The following PCDHGB3 variants were observed in gnomAD, a reference collection of about 807,000 sequenced individuals.
PCDHGB3 encodes the protein protocadherin gamma subfamily B, 3.
In PCDHGB3, 40 loss-of-function variants were observed where a neutral mutation model predicts 59.2. The ratio of observed to expected loss-of-function variants is 0.68; its 90% confidence interval spans 0.52 to 0.88. PCDHGB3 has a LOEUF of 0.88. PCDHGB3 is among the 40% of genes least tolerant of loss of function. PCDHGB3 has a pLI of 0.00. For synonymous variants in PCDHGB3, 581 were observed against 503.6 expected (o/e 1.15, Z -2.06); for missense variants, 1,309 against 1,187.9 (o/e 1.10, Z -1.50).
chr5:141,418,102 C>T (rs760484009), intron 1 of PCDHGB3: 15 of 1,614,014 alleles, frequency 9.3e-6, no homozygotes, highest in Non-Finnish European at 1.3e-5. Context: ...ACGCGCAGAG[C>T]GGGGACTTAC....
intron 2 of PCDHGB3, among the ~76,000 whole-genome samples, chr5:141,500,674 G>T (rs554174451): frequency 4.2e-4 from 64 of 152,122 alleles, no homozygotes; most frequent in Non-Finnish European, 6.6e-4. Flanking sequence ...CTGTCCAACA[G>T]AATTATAGCT....
intron 1 of PCDHGB3, among the ~76,000 whole-genome samples, chr5:141,471,995 TG>T: frequency 6.6e-6 from 1 of 152,322 alleles, no homozygotes; most frequent in East Asian, 1.9e-4. Context: ...TAAAAATCCC[TG>T]CATCGTATAG....
rs192631651 is a variant in PCDHGB3 at position 141,432,052 on chromosome 5, C to T, written c.2415+59243C>T. On this transcript the variant is annotated intron_variant, in intron 1 of 3. Transcript: ENST00000576222. This position sits in a 1 kb window ranked among gnomAD's most constrained non-coding sequence, Gnocchi z 6.0. ...CCGCCACTGACCGGGGAACCCCGCC[C>T]CTATCCACGGAAACTCATATCTCGC... is the stretch of plus-strand genomic sequence containing the variant. The T allele has an allele frequency of 1.2e-6, 2 of 1,614,108 alleles. No individual in the cohort carries two copies. The highest frequency in any genetic ancestry group is 1.3e-5 in the African/African-American group (1 of 74,930).
chr5:141,419,621 G>T, intron 1 of PCDHGB3: 2 of 1,612,306 alleles, frequency 1.2e-6, no homozygotes, highest in Non-Finnish European at 1.7e-6. Context: ...AGGCTACCTG[G>T]TGACCAAGGT....
In PCDHGB3 at chr5:141,485,146, G is replaced by C; in HGVS notation, c.2416-9661G>C. 6.4e-7 allele frequency: 1 copy of C among 1,569,470 alleles called. No individual in the cohort carries two copies. Among genetic ancestry groups the C allele is most frequent in the Non-Finnish European group, 8.7e-7 (1 of 1,143,568 alleles). On this transcript the variant is annotated intron_variant, in intron 1 of 3. Transcript: ENST00000576222. The surrounding 1 kb of genome is among the most constrained non-coding windows in gnomAD (Gnocchi z 5.7). Reference sequence around the variant, plus strand: ...GGTCGGCTTCATCCGCGTCTCAGGAGCAAGTAGAGAATTAGCGGGCGGCAG... The same window carrying C: ...GGTCGGCTTCATCCGCGTCTCAGGACCAAGTAGAGAATTAGCGGGCGGCAG...
rs1561863226 is a variant in PCDHGB3, at chr5:141,432,653, C to T, written c.2415+59844C>T. On this transcript the variant is annotated intron_variant, in intron 1 of 3. Transcript: ENST00000576222. The surrounding 1 kb of genome is among the most constrained non-coding windows in gnomAD (Gnocchi z 6.0). Reference sequence around the variant, plus strand: ...GGGCGAGGTGCGCACGGCGCGAGCCCTGCTGGACAGAGACGCGCTCAAGCA... The same window carrying T: ...GGGCGAGGTGCGCACGGCGCGAGCCTTGCTGGACAGAGACGCGCTCAAGCA... 5 of 1,613,852 alleles carry T rather than the reference C, an allele frequency of 3.1e-6. No individual in the cohort carries two copies. In the South Asian group the frequency reaches 4.4e-5, roughly 14 times the overall value.
intron 2 of PCDHGB3, among the ~76,000 whole-genome samples, chr5:141,504,143 C>A (rs2099835975): frequency 6.6e-6 from 1 of 152,136 alleles, no homozygotes; most frequent in Non-Finnish European, 1.5e-5. Flanking sequence ...CACTCCCCTG[C>A]AAATTGAAAT....
chr5:141,446,279 G>A (rs1326701686), intron 1 of PCDHGB3, among the ~76,000 whole-genome samples: 1 of 152,096 alleles, frequency 6.6e-6, no homozygotes, highest in African/African-American at 2.4e-5. Context: ...AAATACAATG[G>A]ATAAATGGGG....
chr5:141,486,089 G>T lies in PCDHGB3; in HGVS notation c.2416-8718G>T, dbSNP rs2099624123. On this transcript the variant is annotated intron_variant, in intron 1 of 3. Coordinates refer to ENST00000576222, the MANE Select transcript of PCDHGB3 (RefSeq NM_018924.5). The surrounding 1 kb of genome is among the most constrained non-coding windows in gnomAD (Gnocchi z 5.0). ...CACTACTGGAAAGCTTACTCTTTTG[G>T]GGCCCCTAGACTTTGAGAGTGAGAA... is the stretch of plus-strand genomic sequence containing the variant. 1 of 1,614,084 alleles carries T rather than the reference G, an allele frequency of 6.2e-7. No individual in the cohort carries two copies. The highest frequency in any genetic ancestry group is 8.5e-7 in the Non-Finnish European group (1 of 1,180,014).
chr5:141,388,848 G>T (rs766706887), intron 1 of PCDHGB3: 1 of 1,613,942 alleles, frequency 6.2e-7, no homozygotes, highest in East Asian at 2.2e-5. Context: ...AGCAAGGGAC[G>T]GTGGAGGAAT....
chr5:141,418,572 AC>A lies in PCDHGB3; in HGVS notation c.2415+45769del, dbSNP rs752316020. 8.1e-6 allele frequency: 13 copies of A among 1,613,794 alleles called. 1 individual carries two copies. The Admixed American group carries it at 1.8e-4, about 23-fold the overall frequency. ...ATCCTGGTAATAGATGCCAATGACA[AC>A]CCCCCAGTGTTCAGCCAGGACGTGT... On this transcript the variant is annotated intron_variant, in intron 1 of 3. Transcript: ENST00000576222.
At chr5:141,415,909 C>A in intron 1 of PCDHGB3, 1 of 761,030 alleles carries the variant, frequency 1.3e-6, no homozygotes, top group Non-Finnish European at 1.8e-6. Flanking sequence ...GACTTCCATA[C>A]AGAAGTGCCT....
chr5:141,503,630 A>G, intron 2 of PCDHGB3, among the ~76,000 whole-genome samples: 1 of 152,088 alleles, frequency 6.6e-6, no homozygotes, highest in Admixed American at 6.6e-5. Flanking sequence ...AAGAAAAGAA[A>G]TAATTATTGA....
At chr5:141,394,667 G>T in intron 1 of PCDHGB3, 2 of 1,613,252 alleles carry the variant, frequency 1.2e-6, no homozygotes, top group East Asian at 2.2e-5. Flanking sequence ...GACTCTTCTC[G>T]GTGGGTCTGC....
intron 1 of PCDHGB3, chr5:141,424,602 T>G (rs2154550827): frequency 6.6e-6 from 1 of 152,334 alleles, no homozygotes; most frequent in African/African-American, 2.4e-5. Flanking sequence ...GTCTACAGAT[T>G]TATTCAAATA....
Position 141,431,529 on chromosome 5 carries a change from T to G in PCDHGB3, c.2415+58720T>G, listed in dbSNP as rs145601545. The G allele has an allele frequency of 2.5e-6, 4 of 1,614,074 alleles. No homozygotes were observed. The highest frequency in any genetic ancestry group is 3.4e-6 in the Non-Finnish European group (4 of 1,180,030). ...GCGAGCGTTCCGGAGAATCTGGCCT[T>G]GGGCACGCAGCTGCTTGTAGTCAAC... On this transcript the variant is annotated intron_variant, in intron 1 of 3. Coordinates refer to ENST00000576222, the MANE Select transcript of PCDHGB3 (RefSeq NM_018924.5). The surrounding 1 kb of genome is among the most constrained non-coding windows in gnomAD (Gnocchi z 4.8).
Position 141,476,591 on chromosome 5 carries a change from G to T in PCDHGB3, c.2416-18216G>T, listed in dbSNP as rs200254399. The T allele has an allele frequency of 6.2e-7, 1 of 1,614,230 alleles. No homozygotes were observed. The highest frequency in any genetic ancestry group is 8.5e-7 in the Non-Finnish European group (1 of 1,180,046). On this transcript the variant is annotated intron_variant, in intron 1 of 3. Transcript: ENST00000576222. The surrounding 1 kb of genome is among the most constrained non-coding windows in gnomAD (Gnocchi z 7.6). The stretch of plus-strand genomic sequence containing the variant: ...GGGGACGCGCTTTCCGCTCGAGAGC[G>T]CGCACGATCCCGATGTGGGAAGCAA...
At position 141,486,671 on chromosome 5, in the gene PCDHGB3, C is replaced by G. The variant is rs1307620045; in HGVS notation, c.2416-8136C>G. 24 of 1,613,926 alleles carry G rather than the reference C, an allele frequency of 1.5e-5. No homozygotes were observed. The highest frequency in any genetic ancestry group is 2.7e-5 in the African/African-American group (2 of 74,932). Reference sequence around the variant, plus strand: ...CTACTCACTCCTGGAGCCCAGGAATCGAGATGTATCAGCTTCCTCTTTCAT... The same window carrying G: ...CTACTCACTCCTGGAGCCCAGGAATGGAGATGTATCAGCTTCCTCTTTCAT... On this transcript the variant is annotated intron_variant, in intron 1 of 3. Transcript: ENST00000576222. The surrounding 1 kb of genome is among the most constrained non-coding windows in gnomAD (Gnocchi z 5.0).
At chr5:141,414,703 T>C in intron 1 of PCDHGB3, 1 of 1,613,994 alleles carries the variant, frequency 6.2e-7, no homozygotes. Flanking sequence ...CTCATACATA[T>C]CCATCAACTC....
Sources: gnomAD v4.1 joint callset for allele counts (sites outside exome capture counted in the v4.1 genomes callset) on GRCh38, gnomAD v4.1.1 for gene constraint, Gnocchi (gnomAD v3.1) non-coding constraint, MANE v1.5 for transcripts, NCBI Gene and HGNC (gene_info 2026-07-23, HGNC 2026-07-21) for gene names.